Variants in HIVEP3 observed in about 807,000 individuals in gnomAD.
The protein encoded by HIVEP3 is transcription factor HIVEP3.
In HIVEP3, 49 loss-of-function variants were observed where a neutral mutation model predicts 152.8. The ratio of observed to expected loss-of-function variants is 0.32; its 90% CI spans 0.26 to 0.41. The LOEUF (loss-of-function observed/expected upper bound fraction) is 0.41, where lower values mean the gene tolerates loss of function less well. Among genes scored for constraint, HIVEP3 ranks in the 10% least tolerant of loss-of-function variants. The pLI is 1.00. For missense variants in HIVEP3, 2,790 were observed against 3,103.3 expected (o/e 0.90, Z 2.40); for synonymous variants, 1,269 against 1,289.0 (o/e 0.98, Z 0.33).
intron 3 of HIVEP3, among the ~76,000 whole-genome samples, chr1:41,595,901 G>A (rs1280585814): frequency 6.6e-6 from 1 of 152,100 alleles, no homozygotes; most frequent in African/African-American, 2.4e-5. Context: ...GGCCTATTGT[G>A]GGACCTCACC....
chr1:41,542,945 C>T (rs1225509045), intron 5 of HIVEP3: 1 of 152,094 alleles, frequency 6.6e-6, no homozygotes, highest in Non-Finnish European at 1.5e-5. Flanking sequence ...AGGTTTCTAT[C>T]GGGATAACGG....
chr1:41,869,444 G>T, intron 1 of HIVEP3: 1 of 152,406 alleles, frequency 6.6e-6, no homozygotes, highest in Non-Finnish European at 1.5e-5. Context: ...AGTGCCCAGT[G>T]AGGAGATGAC....
intron 1 of HIVEP3, among the ~76,000 whole-genome samples, chr1:41,902,604 C>T (rs987660349): frequency 1.5e-4 from 23 of 152,174 alleles, no homozygotes; most frequent in African/African-American, 3.4e-4. Context: ...TTGAAGAAGG[C>T]GATGGGGCAA....
At chr1:41,844,260 CACTAA>C (rs1234800494) in intron 1 of HIVEP3, among the ~76,000 whole-genome samples, 1 of 152,220 alleles carries the variant, frequency 6.6e-6, no homozygotes, top group East Asian at 1.9e-4. Flanking sequence ...GGGAGCAGCA[CACTAA>C]ACTAACAAGG....
chr1:41,683,003 G>A (rs1458911894), intron 2 of HIVEP3, among the ~76,000 whole-genome samples: 2 of 152,274 alleles, frequency 1.3e-5, no homozygotes, highest in African/African-American at 2.4e-5. Flanking sequence ...GGTCTTAAAT[G>A]AGAGTTTACA....
rs575291834 is a variant in HIVEP3 at position 41,507,703 on chromosome 1, C to G, written c.*2748G>C. 2.6e-5 allele frequency: 4 copies of G among 152,466 alleles called. No homozygotes were observed. The highest frequency in any genetic ancestry group is 9.6e-5 in the African/African-American group (4 of 41,562). The allele number at this position is 152,466 out of a possible 1,614,324, so 9.4% of individuals were successfully genotyped here. On this transcript the variant is annotated 3_prime_UTR_variant, in exon 9 of 9. Coordinates refer to ENST00000372583, the MANE Select transcript of HIVEP3 (RefSeq NM_024503.5). ...GTGACTGGGAGCAGGGCAGAAGGCC[C>G]AGAGGAGGGCGTGCATGGGGCGAGC...
intron 1 of HIVEP3, among the ~76,000 whole-genome samples, chr1:41,866,073 T>C (rs751806954): frequency 1.2e-4 from 19 of 152,214 alleles, no homozygotes; most frequent in Non-Finnish European, 2.2e-4. Context: ...GACGGATAAC[T>C]ATCCAGCCGA....
intron 1 of HIVEP3, among the ~76,000 whole-genome samples, chr1:41,801,405 G>A (rs1650294594): frequency 1.3e-5 from 2 of 152,148 alleles, no homozygotes; most frequent in Admixed American, 1.3e-4. Flanking sequence ...GCCCTAGGTT[G>A]AGTTAATTGG....
At chr1:41,772,293 G>A (rs1396097035) in intron 1 of HIVEP3, among the ~76,000 whole-genome samples, 1 of 152,182 alleles carries the variant, frequency 6.6e-6, no homozygotes, top group Non-Finnish European at 1.5e-5. Context: ...AGAGGAGAAC[G>A]AGAGCTGGGA....
intron 3 of HIVEP3, among the ~76,000 whole-genome samples, chr1:41,613,953 G>A (rs117047842): frequency 0.028 from 4,320 of 152,264 alleles, 260 homozygotes; most frequent in Admixed American, 0.16. Context: ...TTAGCATAAC[G>A]TTTTTCATCA....
At chr1:41,731,666 G>A (rs1306327064) in intron 1 of HIVEP3, among the ~76,000 whole-genome samples, 2 of 152,154 alleles carry the variant, frequency 1.3e-5, no homozygotes, top group African/African-American at 2.4e-5. Context: ...GAAGAATGGA[G>A]GTCCCCTGCC....
At chr1:41,791,657 C>T (rs1338919769) in intron 1 of HIVEP3, among the ~76,000 whole-genome samples, 1 of 152,094 alleles carries the variant, frequency 6.6e-6, no homozygotes, top group Non-Finnish European at 1.5e-5. Context: ...AGACTGGCTC[C>T]CTTTGGTTCT....
At chr1:41,782,796 A>G (rs968820327) in intron 1 of HIVEP3, among the ~76,000 whole-genome samples, 2 of 152,100 alleles carry the variant, frequency 1.3e-5, no homozygotes, top group Admixed American at 6.6e-5. Flanking sequence ...CAAAAAGAAA[A>G]GTGACTACAG....
At chr1:41,620,059 G>T (rs1645024750) in intron 3 of HIVEP3, among the ~76,000 whole-genome samples, 1 of 152,238 alleles carries the variant, frequency 6.6e-6, no homozygotes, top group East Asian at 1.9e-4. Context: ...ATGAATAAAA[G>T]AAATGGAAGG....
chr1:41,652,770 CTA>C (rs941925536), intron 2 of HIVEP3, among the ~76,000 whole-genome samples: 14 of 152,212 alleles, frequency 9.2e-5, no homozygotes, highest in Admixed American at 6.5e-4. Context: ...GCTGGCAACT[CTA>C]TGTGTGAAAG....
chr1:41,513,881 T>C (rs1354070105), intron 7 of HIVEP3, 131 bp from the exon 8 acceptor site: 2 of 668,292 alleles, frequency 3.0e-6, no homozygotes, highest in South Asian at 6.0e-5. Context: ...GGGCACAAGA[T>C]TGTTGGGACA....
At position 41,677,116 on chromosome 1, in the gene HIVEP3, T is replaced by C. The variant is rs185297221; in HGVS notation, c.-721+23800A>G. On this transcript the variant is annotated intron_variant, in intron 2 of 8. Transcript: ENST00000372583. ...ATGACATTATATCAGCTCCTGGATC[T>C]AGCCATGCCTGAGCTCCACCACCTA... Among the ~76,000 whole-genome samples the C allele has an allele frequency of 7.2e-5, 11 of 152,360 alleles. No homozygotes were observed. The East Asian group carries it at 2.1e-3, about 29-fold the overall frequency.
chr1:41,829,977 A>C (rs1642915071), intron 1 of HIVEP3, among the ~76,000 whole-genome samples: 2 of 152,234 alleles, frequency 1.3e-5, no homozygotes, highest in African/African-American at 4.8e-5. Context: ...TTTTCCCAGA[A>C]AAAGCTAATC....
intron 1 of HIVEP3, among the ~76,000 whole-genome samples, chr1:41,931,047 T>C (rs1644993730): frequency 6.6e-6 from 1 of 152,102 alleles, no homozygotes; most frequent in Non-Finnish European, 1.5e-5. Flanking sequence ...TGATTGCAAA[T>C]ATTTTCTCAC....
Sources: allele counts gnomAD v4.1 joint callset (sites outside exome capture counted in the v4.1 genomes callset), GRCh38; gene constraint gnomAD v4.1.1; transcripts MANE v1.5; gene names NCBI Gene and HGNC (gene_info 2026-07-23, HGNC 2026-07-21).